The following GLT1D1 variants were observed in gnomAD, a reference collection of about 807,000 sequenced individuals.
The protein encoded by GLT1D1 is glycosyltransferase 1 domain containing 1.
Under a neutral mutation model 28.7 loss-of-function variants are expected in GLT1D1, and 21 were observed. The ratio of observed to expected loss-of-function variants is 0.73; its 90% CI spans 0.52 to 1.05. The LOEUF (loss-of-function observed/expected upper bound fraction) is 1.05, where lower values mean the gene tolerates loss of function less well. Among genes scored for constraint, GLT1D1 ranks in the 50% least tolerant of loss-of-function variants. GLT1D1 has a pLI of 0.00. For synonymous variants in GLT1D1, 147 were observed against 124.8 expected (o/e 1.18, Z -1.19); for missense variants, 343 against 330.6 (o/e 1.04, Z -0.29).
At chr12:128,910,233 C>T in intron 4 of GLT1D1, among the ~76,000 whole-genome samples, 1 of 146,394 alleles carries the variant, frequency 6.8e-6, no homozygotes, top group Non-Finnish European at 1.5e-5. Context: ...TCAATTCCTT[C>T]TGCTGACAGA....
chr12:128,861,555 G>T (rs923904827), intron 1 of GLT1D1, among the ~76,000 whole-genome samples: 1 of 152,218 alleles, frequency 6.6e-6, no homozygotes, highest in Non-Finnish European at 1.5e-5. Flanking sequence ...CCAGCCAGGA[G>T]TGTGTTGACA....
chr12:128,892,918 A>G (rs470442), intron 3 of GLT1D1, among the ~76,000 whole-genome samples: 62,688 of 151,928 alleles, frequency 0.41, 13,099 homozygotes, highest in Admixed American at 0.45. Context: ...TATGGAAATT[A>G]TTTGGTGAAG....
At chr12:128,913,265 G>A (rs190274408) in intron 4 of GLT1D1, among the ~76,000 whole-genome samples, 1 of 152,234 alleles carries the variant, frequency 6.6e-6, no homozygotes, top group East Asian at 1.9e-4. Flanking sequence ...TGTCGCCCAG[G>A]CTGGAGTGCA....
In GLT1D1 at chr12:128,952,904, G is replaced by A. The variant is rs146552925; in HGVS notation, c.541-4641G>A. On this transcript the variant is annotated intron_variant, in intron 6 of 7. Transcript: ENST00000281703. ...AGTGATTCTTGTGCCTTAGCCTCCC[G>A]AGTAGCTGGAACCACAGGCATGCAC... 5.6e-3 allele frequency among the ~76,000 whole-genome samples: 811 copies of A among 144,876 alleles called. 10 individuals are homozygous for A. The highest frequency in any genetic ancestry group is 0.015 in the African/African-American group (590 of 39,310).
chr12:128,967,903 C>T (rs1363238086), intron 7 of GLT1D1, among the ~76,000 whole-genome samples: 4 of 152,236 alleles, frequency 2.6e-5, no homozygotes, highest in African/African-American at 4.8e-5. Context: ...GATCCTGCTG[C>T]GTTGATTGGA....
intron 7 of GLT1D1, among the ~76,000 whole-genome samples, chr12:128,973,339 C>T (rs1278844383): frequency 2.7e-5 from 4 of 146,750 alleles, no homozygotes; most frequent in African/African-American, 1.0e-4. Context: ...TGTGCCACCA[C>T]ACCTGGCTAT....
rs765354223 is a variant in GLT1D1, at chr12:128,875,976, G to A, written c.131G>A (p.Arg44Gln). The A allele has an allele frequency of 2.0e-5, 32 of 1,613,896 alleles. No individual in the cohort carries two copies. The highest frequency in any genetic ancestry group is 3.3e-4 in the Middle Eastern group (2 of 6,080). ...AAGGATGCCTTTGACTTTGAAAGCCGATCTGAGATTGCAAACCTCATCTTG... is the reference window on the plus strand; with the variant it reads ...AAGGATGCCTTTGACTTTGAAAGCCAATCTGAGATTGCAAACCTCATCTTG... The change falls in exon 2 of 8, where the codon CGA becomes CAA. Residue 44 changes from arginine to glutamine, a missense_variant. Physicochemically the swap from Arg to Gln is conservative, Grantham distance 43 (BLOSUM62 1). Transcript: ENST00000281703.
intron 3 of GLT1D1, among the ~76,000 whole-genome samples, chr12:128,897,899 C>A (rs1169494918): frequency 6.6e-6 from 1 of 152,082 alleles, no homozygotes. Context: ...GATCTCCTGA[C>A]CTTGTGATCC....
At chr12:128,888,261 T>C (rs928445107) in intron 2 of GLT1D1, among the ~76,000 whole-genome samples, 5 of 152,206 alleles carry the variant, frequency 3.3e-5, no homozygotes, top group Non-Finnish European at 5.9e-5. Context: ...TGATGAACAA[T>C]AGGACTCAGT....
intron 1 of GLT1D1, among the ~76,000 whole-genome samples, chr12:128,874,117 T>C (rs1398107619): frequency 4.4e-5 from 3 of 67,970 alleles, no homozygotes; most frequent in African/African-American, 1.4e-4. Context: ...TCTCTCTCTC[T>C]CTCTCTCTCT....
chr12:128,876,430 TCC>T (rs1173355129), intron 2 of GLT1D1, among the ~76,000 whole-genome samples: 1 of 152,068 alleles, frequency 6.6e-6, no homozygotes, highest in East Asian at 1.9e-4. Context: ...CACTTCAGCC[TCC>T]CAAGTAGCTG....
chr12:128,960,099 C>A (rs563260009), intron 7 of GLT1D1, among the ~76,000 whole-genome samples: 26 of 152,142 alleles, frequency 1.7e-4, no homozygotes, highest in African/African-American at 6.0e-4. Context: ...TTCCTGTGAG[C>A]CATCAGACAC....
intron 4 of GLT1D1, among the ~76,000 whole-genome samples, chr12:128,931,973 C>T (rs1873967147): frequency 6.6e-6 from 1 of 151,930 alleles, no homozygotes; most frequent in African/African-American, 2.4e-5. Flanking sequence ...CAAAATGCAT[C>T]TCTGTATTTT....
chr12:128,887,159 G>A (rs978393840), intron 2 of GLT1D1, among the ~76,000 whole-genome samples: 4 of 151,796 alleles, frequency 2.6e-5, no homozygotes, highest in African/African-American at 9.7e-5. Flanking sequence ...TTACAGGTGT[G>A]CCCCACCACA....
chr12:128,900,994 A>G (rs1870193405), intron 4 of GLT1D1, among the ~76,000 whole-genome samples: 1 of 152,046 alleles, frequency 6.6e-6, no homozygotes, highest in Non-Finnish European at 1.5e-5. Flanking sequence ...TGGTTACCAA[A>G]ATGGGGTCCC....
rs998626970 is a variant in GLT1D1, at chr12:128,853,554, G to A, written c.-28G>A. On this transcript the variant is annotated 5_prime_UTR_variant, in exon 1 of 8. Coordinates refer to ENST00000281703, the MANE Select transcript of GLT1D1 (RefSeq NM_144669.3). ...GGGCCTGGTCGGCGGCGGCGGGGCC[G>A]GTCGATGGCCCGGGCGGCGGCGGCG... 5.7e-6 allele frequency: 6 copies of A among 1,059,402 alleles called. No individual in the cohort carries two copies. Among genetic ancestry groups the A allele is most frequent in the Non-Finnish European group, 5.7e-6 (5 of 881,818 alleles). The allele number at this position is 1,059,402 out of a possible 1,614,324, so 65.6% of individuals were successfully genotyped here.
chr12:128,962,665 G>A (rs957973383), intron 7 of GLT1D1, among the ~76,000 whole-genome samples: 8 of 152,156 alleles, frequency 5.3e-5, no homozygotes, highest in Non-Finnish European at 1.0e-4. Flanking sequence ...GGGTATTACC[G>A]ATTTATAAAT....
intron 2 of GLT1D1, among the ~76,000 whole-genome samples, chr12:128,883,301 C>A (rs1054975731): frequency 2.0e-5 from 3 of 151,408 alleles, no homozygotes; most frequent in African/African-American, 7.3e-5. Flanking sequence ...ATTGAGAAGC[C>A]AAGTTTAGGG....
At chr12:128,904,879 C>T (rs1870684470) in intron 4 of GLT1D1, among the ~76,000 whole-genome samples, 1 of 152,192 alleles carries the variant, frequency 6.6e-6, no homozygotes, top group South Asian at 2.1e-4. Context: ...GGCGATCCAC[C>T]TGCCTCGGCC....
Sources: allele counts gnomAD v4.1 joint callset (sites outside exome capture counted in the v4.1 genomes callset), GRCh38; gene constraint gnomAD v4.1.1; transcripts MANE v1.5; gene names NCBI Gene and HGNC (gene_info 2026-07-23, HGNC 2026-07-21).